The following STARD13 variants were observed in gnomAD, a reference collection of about 807,000 sequenced individuals.
The protein encoded by STARD13 is StAR related lipid transfer domain containing 13.
STARD13 carries 62 observed loss-of-function variants against 106.4 expected under a neutral mutation model. That is an observed-to-expected ratio of 0.58 (90% CI 0.48 to 0.72). The LOEUF is 0.72. STARD13 is among the 30% of genes least tolerant of loss of function. STARD13 has a pLI of 0.00. For synonymous variants in STARD13, 565 were observed against 553.0 expected (o/e 1.02, Z -0.31); for missense variants, 1,387 against 1,424.0 (o/e 0.97, Z 0.42).
the STARD13 span, among the ~76,000 whole-genome samples, chr13:33,430,158 C>T: frequency 2.6e-5 from 4 of 152,208 alleles, no homozygotes; most frequent in Non-Finnish European, 4.4e-5. Flanking sequence ...ACCTAGTGAT[C>T]CACCCGCCTC....
At chr13:33,447,014 T>A in the STARD13 span, among the ~76,000 whole-genome samples, 3 of 152,234 alleles carry the variant, frequency 2.0e-5, no homozygotes, top group Non-Finnish European at 2.9e-5. Flanking sequence ...TATACAGGAT[T>A]TGGGCCAAGT....
At chr13:33,392,290 G>A in the STARD13 span, among the ~76,000 whole-genome samples, 1,910 of 152,256 alleles carry the variant, frequency 0.013, 46 homozygotes, top group African/African-American at 0.043. Context: ...GTGTGGATGG[G>A]AAAATATTAT....
At chr13:33,197,613 G>A (rs79510451) in intron 1 of STARD13, among the ~76,000 whole-genome samples, 2,770 of 152,238 alleles carry the variant, frequency 0.018, 88 homozygotes, top group African/African-American at 0.063. Context: ...ATTCCACTTC[G>A]GTCTGCCCAG....
At position 33,342,632 on chromosome 13, in the gene STARD13, G is replaced by T. The variant is rs116245360; in HGVS notation, c.124+7658C>A. 3.0e-3 allele frequency among the ~76,000 whole-genome samples: 457 copies of T among 151,988 alleles called. 2 individuals carry two copies. The highest frequency in any genetic ancestry group is 0.01 in the Middle Eastern group (3 of 294). On this transcript the variant is annotated intron_variant, in intron 1 of 5. Coordinates refer to the STARD13 transcript ENST00000567873. ...TGAATCTTTGAATTCCTGGGCAAGA[G>T]CTATCTTCCCGCCTCAGCCTCCTGA...
chr13:33,242,097 G>A (rs925808244), intron 1 of STARD13, among the ~76,000 whole-genome samples: 12 of 151,514 alleles, frequency 7.9e-5, no homozygotes, highest in African/African-American at 2.4e-4. Flanking sequence ...GATCTGAGGA[G>A]TGTCTCTGCC....
chr13:33,654,569 T>C, the STARD13 span: 3 of 152,200 alleles, frequency 2.0e-5, no homozygotes, highest in Non-Finnish European at 2.9e-5. Context: ...ATGTTGGGAA[T>C]ATACTGAAAC....
chr13:33,373,346 G>T, the STARD13 span, among the ~76,000 whole-genome samples: 1 of 152,138 alleles, frequency 6.6e-6, no homozygotes, highest in Non-Finnish European at 1.5e-5. Context: ...TTTACATTTA[G>T]TCAGGTTTCA....
At chr13:33,472,324 G>T in the STARD13 span, among the ~76,000 whole-genome samples, 2 of 151,406 alleles carry the variant, frequency 1.3e-5, no homozygotes, top group Non-Finnish European at 2.9e-5. Context: ...ATTTTTGAGG[G>T]TACATCATAG....
At chr13:33,154,868 C>T (rs1455139722) in intron 3 of STARD13, among the ~76,000 whole-genome samples, 1 of 152,150 alleles carries the variant, frequency 6.6e-6, no homozygotes, top group African/African-American at 2.4e-5. Context: ...GCAAAGCAGC[C>T]GCGCGGGAAC....
intron 1 of STARD13, among the ~76,000 whole-genome samples, chr13:33,199,518 T>A (rs1886865458): frequency 6.6e-6 from 1 of 152,182 alleles, no homozygotes; most frequent in African/African-American, 2.4e-5. Context: ...AAAGCTATAG[T>A]TTAAGCCAAC....
In STARD13 at chr13:33,350,184, A is replaced by C. The variant is rs1235991557; in HGVS notation, c.124+106T>G. On this transcript the variant is annotated intron_variant, in intron 1 of 1. Transcript: ENST00000439831. ...GCTCGCCCCGGCCTTGGGCTCTGAA[A>C]CTCATGCCCTGGAGCCCAGAGCAGA... 2.2e-6 allele frequency: 3 copies of C among 1,336,108 alleles called. No homozygotes were observed. The African/African-American group carries it at 4.7e-5, about 21-fold the overall frequency. The allele number at this position is 1,336,108 out of a possible 1,614,324, so 82.8% of individuals were successfully genotyped here. A position where few individuals can be genotyped will look rare whatever the true frequency, so the allele number is the denominator to read the frequency against.
upstream of STARD13, among the ~76,000 whole-genome samples, chr13:33,352,043 C>G (rs2078083776): frequency 6.6e-6 from 1 of 152,180 alleles, no homozygotes; most frequent in Admixed American, 6.5e-5. Flanking sequence ...AAACATACCT[C>G]AGAATGAGCT....
At chr13:33,512,084 T>G in the STARD13 span, among the ~76,000 whole-genome samples, 6 of 152,170 alleles carry the variant, frequency 3.9e-5, no homozygotes, top group African/African-American at 1.4e-4. Flanking sequence ...TTTGAGCAGA[T>G]TTTGGAGAAT....
intron 1 of STARD13, among the ~76,000 whole-genome samples, chr13:33,210,056 G>A (rs1358939182): frequency 6.6e-6 from 1 of 152,156 alleles, no homozygotes; most frequent in Non-Finnish European, 1.5e-5. Context: ...AGCAGACGCT[G>A]GGGTCGACAA....
At chr13:33,190,996 T>G (rs1886219964) in intron 1 of STARD13, among the ~76,000 whole-genome samples, 1 of 152,214 alleles carries the variant, frequency 6.6e-6, no homozygotes, top group Admixed American at 6.5e-5. Context: ...AAATACCAAG[T>G]ATTACTGCAA....
At chr13:33,501,941 G>T in the STARD13 span, among the ~76,000 whole-genome samples, 34 of 152,070 alleles carry the variant, frequency 2.2e-4, no homozygotes, top group Admixed American at 2.1e-3. Flanking sequence ...GCTTGATGGG[G>T]ATGGCATTGA....
the STARD13 span, among the ~76,000 whole-genome samples, chr13:33,530,951 A>G: frequency 6.6e-6 from 1 of 152,134 alleles, no homozygotes; most frequent in Non-Finnish European, 1.5e-5. Flanking sequence ...TTGGTTCCCT[A>G]TTGATATGGT....
At chr13:33,254,235 G>A (rs555922921) in intron 1 of STARD13, among the ~76,000 whole-genome samples, 1 of 152,316 alleles carries the variant, frequency 6.6e-6, no homozygotes, top group South Asian at 2.1e-4. Context: ...CGGCAAAGAG[G>A]ATAATTTGTA....
the STARD13 span, among the ~76,000 whole-genome samples, chr13:33,594,274 A>C: frequency 6.6e-6 from 1 of 152,128 alleles, no homozygotes; most frequent in Non-Finnish European, 1.5e-5. Context: ...TTGCTGAAAT[A>C]TTATAGGCTT....
Sources: gnomAD v4.1 joint callset for allele counts (sites outside exome capture counted in the v4.1 genomes callset) on GRCh38, gnomAD v4.1.1 for gene constraint, MANE v1.5 for transcripts, NCBI Gene and HGNC (gene_info 2026-07-23, HGNC 2026-07-21) for gene names.